WDR70: variants seen among roughly 807,000 people sequenced by gnomAD.
The protein encoded by WDR70 is WD repeat-containing protein 70.
In WDR70, 53 loss-of-function variants were observed where a neutral mutation model predicts 88.6. The observed-to-expected ratio is 0.60, with a 90% CI of 0.48 to 0.75. The LOEUF is 0.75. Ranked by LOEUF, WDR70 falls within the 30% of genes least tolerant of loss-of-function variation. The probability of loss-of-function intolerance (pLI) is 0.00; values close to 1 mark genes in which losing one functional copy is unlikely to be tolerated. For missense variants in WDR70, 610 were observed against 823.2 expected, an observed-to-expected ratio of 0.74 and a Z score of 3.17; for synonymous variants, 280 against 270.0, an observed-to-expected ratio of 1.04 and a Z score of -0.36.
At chr5:37,752,447 G>A (rs1748841588) in intron 17 of WDR70, 39 bp from the exon 18 acceptor site, 1 of 1,522,948 alleles carries the variant, frequency 6.6e-7, no homozygotes, top group East Asian at 2.3e-5. Context: ...AATACTTTCT[G>A]ACTAAATTTT....
chr5:37,717,107 A>G (rs991152522), intron 13 of WDR70, among the ~76,000 whole-genome samples: 2 of 152,214 alleles, frequency 1.3e-5, no homozygotes, highest in African/African-American at 4.8e-5. Flanking sequence ...TACCAAATTA[A>G]AGGGTTAAAA....
chr5:37,454,230 G>C (rs552721559), intron 7 of WDR70, among the ~76,000 whole-genome samples: 1 of 152,176 alleles, frequency 6.6e-6, no homozygotes, highest in East Asian at 1.9e-4. Context: ...TCAGTTCAGG[G>C]CAAGTAAGGA....
chr5:37,688,725 C>T (rs1298714871), intron 10 of WDR70, among the ~76,000 whole-genome samples: 1 of 101,210 alleles, frequency 9.9e-6, no homozygotes, highest in Non-Finnish European at 2.4e-5. Flanking sequence ...TCCAAGATGG[C>T]CAAATAGGAA....
At chr5:37,649,769 G>A (rs370751533) in intron 10 of WDR70, among the ~76,000 whole-genome samples, 3,626 of 107,218 alleles carry the variant, frequency 0.034, 221 homozygotes, top group African/African-American at 0.14. Context: ...ACGGAGTCTC[G>A]CTCTGTCGCC....
At chr5:37,541,392 C>T (rs1248321186) in intron 9 of WDR70, among the ~76,000 whole-genome samples, 8 of 151,922 alleles carry the variant, frequency 5.3e-5, no homozygotes, top group Admixed American at 1.3e-4. Flanking sequence ...AAACTTTCAA[C>T]GATTTGCATT....
intron 10 of WDR70, among the ~76,000 whole-genome samples, chr5:37,680,199 T>C (rs894739519): frequency 7.2e-5 from 11 of 152,300 alleles, no homozygotes; most frequent in African/African-American, 1.9e-4. Flanking sequence ...ATGTATGTCT[T>C]CTTTTGAGAG....
At chr5:37,676,380 A>G (rs533116694) in intron 10 of WDR70, among the ~76,000 whole-genome samples, 1 of 152,118 alleles carries the variant, frequency 6.6e-6, no homozygotes, top group African/African-American at 2.4e-5. Flanking sequence ...TTTGTCATAG[A>G]TAGCTCTTAT....
rs572799186 is a variant in WDR70, at chr5:37,679,229, A to T, written c.1093-18426A>T. Among the ~76,000 whole-genome samples the T allele has an allele frequency of 2.5e-4, 38 of 151,826 alleles. 1 individual carries two copies. Among genetic ancestry groups the T allele is most frequent in the Non-Finnish European group, 1.2e-4 (8 of 67,986 alleles). Reference sequence around the variant, plus strand: ...GATCGTCTGAAGCCTTCTTCTCTCAACTCGTCAGTGTCATTCTCCGTCCAG... The same window carrying T: ...GATCGTCTGAAGCCTTCTTCTCTCATCTCGTCAGTGTCATTCTCCGTCCAG... On this transcript the variant is annotated intron_variant, in intron 10 of 17. Coordinates refer to ENST00000265107, the MANE Select transcript of WDR70 (RefSeq NM_018034.4).
At chr5:37,551,141 TA>T (rs1243973156) in intron 9 of WDR70, among the ~76,000 whole-genome samples, 1 of 151,716 alleles carries the variant, frequency 6.6e-6, no homozygotes, top group Non-Finnish European at 1.5e-5. Flanking sequence ...CCATCTCTAC[TA>T]AAAATACAAA....
intron 7 of WDR70, among the ~76,000 whole-genome samples, chr5:37,465,980 T>C (rs1239100906): frequency 6.6e-6 from 1 of 152,146 alleles, no homozygotes; most frequent in East Asian, 1.9e-4. Flanking sequence ...TTGGGATTTC[T>C]TTTTTAAGAG....
At chr5:37,422,809 T>G (rs1029111975) in intron 5 of WDR70, among the ~76,000 whole-genome samples, 9 of 151,934 alleles carry the variant, frequency 5.9e-5, no homozygotes, top group African/African-American at 1.9e-4. Context: ...GTATTTTTTG[T>G]AGAAACGGGG....
intron 5 of WDR70, among the ~76,000 whole-genome samples, chr5:37,402,640 T>TGCTA (rs1749231255): frequency 1.3e-5 from 2 of 152,176 alleles, no homozygotes; most frequent in South Asian, 4.1e-4. Flanking sequence ...CTCTTCCTTA[T>TGCTA]GCTAGGAACA....
intron 17 of WDR70, among the ~76,000 whole-genome samples, chr5:37,744,274 G>A (rs986032414): frequency 2.0e-5 from 3 of 152,072 alleles, no homozygotes; most frequent in Non-Finnish European, 1.5e-5. Context: ...CCATCCAAGG[G>A]TCAGTAGCCT....
chr5:37,471,925 A>G (rs560492420), intron 7 of WDR70, among the ~76,000 whole-genome samples: 13 of 151,848 alleles, frequency 8.6e-5, no homozygotes, highest in African/African-American at 2.9e-4. Flanking sequence ...AAGGACCTCT[A>G]TCGTATGTTG....
At chr5:37,630,205 A>G (rs560002817) in intron 10 of WDR70, among the ~76,000 whole-genome samples, 1 of 152,256 alleles carries the variant, frequency 6.6e-6, no homozygotes, top group East Asian at 1.9e-4. Flanking sequence ...CTGGGGTTGT[A>G]GCCACAGGGA....
At chr5:37,715,357 A>G (rs1747625081) in intron 13 of WDR70, among the ~76,000 whole-genome samples, 1 of 148,976 alleles carries the variant, frequency 6.7e-6, no homozygotes, top group African/African-American at 2.4e-5. Context: ...AAAAAAAAAA[A>G]GACAGTTGCC....
At chr5:37,653,187 A>G (rs533469014) in intron 10 of WDR70, among the ~76,000 whole-genome samples, 7 of 152,286 alleles carry the variant, frequency 4.6e-5, no homozygotes, top group Non-Finnish European at 1.0e-4. Context: ...TTCTGCATCT[A>G]CTGAGATAAT....
chr5:37,442,369 C>T (rs1433445831), intron 6 of WDR70, among the ~76,000 whole-genome samples: 1 of 144,982 alleles, frequency 6.9e-6, no homozygotes, highest in East Asian at 2.1e-4. Context: ...GACAGAGTCT[C>T]GCTCTGTCAC....
intron 10 of WDR70, among the ~76,000 whole-genome samples, chr5:37,689,790 A>G (rs574458198): frequency 2.6e-5 from 4 of 152,362 alleles, no homozygotes; most frequent in African/African-American, 9.6e-5. Flanking sequence ...TCTAAAAACC[A>G]GAGTGCCTCT....
Sources: allele counts gnomAD v4.1 joint callset (sites outside exome capture counted in the v4.1 genomes callset), GRCh38; gene constraint gnomAD v4.1.1; transcripts MANE v1.5; gene names NCBI Gene and HGNC (gene_info 2026-07-23, HGNC 2026-07-21).